Variants in FCHSD2 observed in about 807,000 individuals in gnomAD.
FCHSD2 encodes F-BAR and double SH3 domains protein 2.
In FCHSD2, 38 loss-of-function variants were observed where a neutral mutation model predicts 108.1. The ratio of observed to expected loss-of-function variants is 0.35; its 90% CI spans 0.27 to 0.46. The LOEUF (loss-of-function observed/expected upper bound fraction) is 0.46. Among genes scored for constraint, FCHSD2 ranks in the 20% least tolerant of loss-of-function variants. The pLI is 1.00. For synonymous variants in FCHSD2, 279 were observed against 314.7 expected (o/e 0.89, Z 1.20); for missense variants, 751 against 897.8 (o/e 0.84, Z 2.09).
At chr11:73,106,298 C>T (rs1860340509) in intron 2 of FCHSD2, among the ~76,000 whole-genome samples, 1 of 150,454 alleles carries the variant, frequency 6.6e-6, no homozygotes, top group Non-Finnish European at 1.5e-5. Flanking sequence ...CCCCAGCATT[C>T]GGGAGGCTAA....
At position 72,889,832 on chromosome 11, in the gene FCHSD2, T is replaced by C; in HGVS notation, c.1038A>G (p.Gln346=). ...TAGGACTTTCTCTTACACTTACCCG[T>C]TGTTGGTGAACAATGTTTTTATGCT... is the stretch of plus-strand genomic sequence containing the variant. The part of the protein sequence containing the change: ...AREHKNIVHQ[Q]RVLNDLECHG... Residue 346 remains glutamine (Q), a synonymous_variant, in exon 11 of 20, where the codon CAA becomes CAG. Transcript: ENST00000409418. 1.3e-6 allele frequency: 2 copies of C among 1,592,252 alleles called. No individual in the cohort carries two copies. The highest frequency in any genetic ancestry group is 8.6e-7 in the Non-Finnish European group (1 of 1,160,172).
rs187990704 is a variant in FCHSD2, at chr11:73,102,179, C to T, written c.120-18439G>A. The stretch of plus-strand genomic sequence containing the variant: ...AAATGCAAATTAAAATGAGATACCA[C>T]TGAACACCCACTAGAATGACTAAAG... On this transcript the variant is annotated intron_variant, in intron 2 of 19. Transcript: ENST00000409418. Among the ~76,000 whole-genome samples, 11 of 152,076 alleles carry T rather than the reference C, an allele frequency of 7.2e-5. No individual in the cohort carries two copies. The East Asian group carries it at 2.1e-3, about 29-fold the overall frequency.
At chr11:72,841,140 C>T (rs1860917440) in intron 18 of FCHSD2, among the ~76,000 whole-genome samples, 181 bp from the exon 19 acceptor site, 1 of 152,014 alleles carries the variant, frequency 6.6e-6, no homozygotes, top group Non-Finnish European at 1.5e-5. Flanking sequence ...TGCACTCCAG[C>T]CTGGGTGACA....
At chr11:72,856,174 T>G (rs1452177061) in intron 13 of FCHSD2, among the ~76,000 whole-genome samples, 1 of 152,166 alleles carries the variant, frequency 6.6e-6, no homozygotes, top group Non-Finnish European at 1.5e-5. Flanking sequence ...CTTTGATGGA[T>G]AGAAAACGAA....
At chr11:72,842,310 C>T (rs1206404347) in intron 17 of FCHSD2, among the ~76,000 whole-genome samples, 1 of 152,182 alleles carries the variant, frequency 6.6e-6, no homozygotes, top group East Asian at 1.9e-4. Flanking sequence ...CAACGCCTTC[C>T]CTCTTCGGTT....
chr11:73,004,635 T>G (rs1857701574), intron 4 of FCHSD2, among the ~76,000 whole-genome samples: 1 of 152,238 alleles, frequency 6.6e-6, no homozygotes, highest in Non-Finnish European at 1.5e-5. Flanking sequence ...TCTTTCTCTT[T>G]CCACCTTTAT....
intron 9 of FCHSD2, 99 bp downstream of exon 9, chr11:72,921,729 A>T (rs569533678): frequency 1.9e-4 from 182 of 939,942 alleles, no homozygotes; most frequent in Non-Finnish European, 2.7e-4. Flanking sequence ...TCGTTAATGC[A>T]TTCTTCTAAT....
chr11:73,044,526 A>C (rs1033314038), intron 3 of FCHSD2, among the ~76,000 whole-genome samples: 4 of 152,172 alleles, frequency 2.6e-5, no homozygotes, highest in Admixed American at 6.5e-5. Flanking sequence ...GCAGCGAGCT[A>C]TGATCATGCC....
At chr11:73,060,968 A>C (rs1028178720) in intron 3 of FCHSD2, among the ~76,000 whole-genome samples, 2 of 152,236 alleles carry the variant, frequency 1.3e-5, no homozygotes, top group African/African-American at 4.8e-5. Flanking sequence ...ACAAGAACTT[A>C]TATAGAACTG....
rs572994427 is a variant in FCHSD2 at position 72,864,025 on chromosome 11, CATT to C, written c.1308+3837_1308+3839del. Among the ~76,000 whole-genome samples the C allele has an allele frequency of 5.3e-5, 8 of 152,326 alleles. No individual in the cohort carries two copies. In the South Asian group the frequency reaches 6.2e-4, roughly 12 times the overall value. ...CTTATCTTACCCTTATCTCCAACAT[CATT>C]ATTAAGCATGGTTCTCACAACAACC... On this transcript the variant is annotated intron_variant, in intron 13 of 19. Coordinates refer to ENST00000409418, the MANE Select transcript of FCHSD2 (RefSeq NM_014824.3).
At chr11:73,120,728 TA>T (rs1860713048) in intron 2 of FCHSD2, among the ~76,000 whole-genome samples, 1 of 144,480 alleles carries the variant, frequency 6.9e-6, no homozygotes, top group Middle Eastern at 3.7e-3. Flanking sequence ...AAATTGTGTC[TA>T]AAAAAATAAT....
At chr11:73,016,698 C>T (rs1030083799) in intron 3 of FCHSD2, among the ~76,000 whole-genome samples, 6 of 152,070 alleles carry the variant, frequency 3.9e-5, no homozygotes, top group Non-Finnish European at 8.8e-5. Context: ...TGGTGCTGTT[C>T]CATATTATTA....
Position 72,843,170 on chromosome 11 carries a change from G to A in FCHSD2, c.1686C>T (p.Ser562=), listed in dbSNP as rs563621415. The part of the protein sequence containing the change: ...NSTEAELVSG[S]LNGDASVCFV... ...CTTTACCACTGGCATCTCCGTTGAG[G>A]CTGCCTGAAACGAGTTCTGCTTCCG... The change falls in exon 16 of 20, where the codon AGC becomes AGT. Residue 562 remains serine (S), a synonymous_variant. Transcript: ENST00000409418. 2.0e-5 allele frequency: 33 copies of A among 1,613,882 alleles called. No individual in the cohort carries two copies. In the South Asian group the frequency reaches 3.6e-4, roughly 18 times the overall value.
intron 2 of FCHSD2, among the ~76,000 whole-genome samples, chr11:73,090,178 A>C (rs1277456917): frequency 1.3e-5 from 2 of 151,896 alleles, no homozygotes; most frequent in Non-Finnish European, 2.9e-5. Flanking sequence ...TTTTCATATA[A>C]AAATGTTTAC....
At chr11:72,938,640 A>G (rs1856351549) in intron 8 of FCHSD2, among the ~76,000 whole-genome samples, 1 of 152,036 alleles carries the variant, frequency 6.6e-6, no homozygotes. Flanking sequence ...AGGTAGTGGA[A>G]GTCTCTATAG....
intron 8 of FCHSD2, among the ~76,000 whole-genome samples, chr11:72,931,893 T>G (rs1856200866): frequency 6.6e-6 from 1 of 152,252 alleles, no homozygotes; most frequent in African/African-American, 2.4e-5. Context: ...AATAGCATTC[T>G]GGGTCAATGC....
At chr11:73,112,356 T>C (rs1860505364) in intron 2 of FCHSD2, among the ~76,000 whole-genome samples, 1 of 152,230 alleles carries the variant, frequency 6.6e-6, no homozygotes, top group African/African-American at 2.4e-5. Context: ...AGTCTGCTGC[T>C]GGACATATTG....
intron 3 of FCHSD2, among the ~76,000 whole-genome samples, chr11:73,075,914 T>C (rs1185016566): frequency 6.6e-6 from 1 of 150,988 alleles, no homozygotes; most frequent in Non-Finnish European, 1.5e-5. Flanking sequence ...AGTCCAGGAG[T>C]TCGAGACCAG....
At chr11:72,925,481 G>A (rs1371933908) in intron 8 of FCHSD2, among the ~76,000 whole-genome samples, 2 of 152,066 alleles carry the variant, frequency 1.3e-5, no homozygotes, top group African/African-American at 2.4e-5. Context: ...ATCTATGATC[G>A]TGCCACTGCA....
Sources: allele counts gnomAD v4.1 joint callset (sites outside exome capture counted in the v4.1 genomes callset), GRCh38; gene constraint gnomAD v4.1.1; transcripts MANE v1.5; gene names NCBI Gene and HGNC (gene_info 2026-07-23, HGNC 2026-07-21).